Variants in ATP1B3 observed in about 807,000 individuals in gnomAD.
The protein encoded by ATP1B3 is sodium/potassium-transporting ATPase subunit beta-3.
ATP1B3 carries 10 observed loss-of-function variants against 30.2 expected under a neutral mutation model. The observed-to-expected ratio is 0.33, with a 90% confidence interval of 0.20 to 0.56. The LOEUF (loss-of-function observed/expected upper bound fraction) is 0.56. Ranked by LOEUF, ATP1B3 falls within the 20% of genes least tolerant of loss-of-function variation. ATP1B3 has a pLI of 0.90. For synonymous variants in ATP1B3, 113 were observed against 117.0 expected, an observed-to-expected ratio of 0.97 and a Z score of 0.22; for missense variants, 238 against 336.7, an observed-to-expected ratio of 0.71 and a Z score of 2.29.
intron 1 of ATP1B3, among the ~76,000 whole-genome samples, chr3:141,895,438 C>A (rs1317861771): frequency 6.6e-6 from 1 of 152,112 alleles, no homozygotes; most frequent in Middle Eastern, 3.2e-3. Context: ...GATGCACCTG[C>A]CTCAGCCTCT....
intron 1 of ATP1B3, among the ~76,000 whole-genome samples, chr3:141,878,821 G>A (rs1292878501): frequency 2.6e-5 from 4 of 152,176 alleles, no homozygotes; most frequent in African/African-American, 9.6e-5. Context: ...GCATATATAG[G>A]TGAAAATTAA....
intron 4 of ATP1B3, 86 bp from the exon 5 acceptor site, chr3:141,915,884 T>C: frequency 9.9e-7 from 1 of 1,012,904 alleles, no homozygotes; most frequent in Admixed American, 2.1e-5. Context: ...CTCAAAGTCT[T>C]CACCCCTTGT....
intron 1 of ATP1B3, among the ~76,000 whole-genome samples, chr3:141,889,787 A>G (rs1933906612): frequency 6.9e-6 from 1 of 145,564 alleles, no homozygotes; most frequent in Admixed American, 6.9e-5. Flanking sequence ...ACACACACAC[A>G]CACACACACG....
rs545520064 is a variant in ATP1B3 at position 141,907,149 on chromosome 3, C to T, written c.239-18C>T. ...AGAGAAGGAAATTTGATAATCTCTC[C>T]CTTTTATGTCTTTATAGGACTCATG... On this transcript the variant is annotated intron_variant, in intron 2 of 6. Coordinates refer to ENST00000286371, the MANE Select transcript of ATP1B3 (RefSeq NM_001679.4). The T allele has an allele frequency of 3.5e-5, 54 of 1,546,438 alleles. 1 individual carries two copies. The South Asian group carries it at 6.1e-4, about 17-fold the overall frequency.
At chr3:141,896,186 C>T (rs76369823) in intron 1 of ATP1B3, among the ~76,000 whole-genome samples, 14 of 150,914 alleles carry the variant, frequency 9.3e-5, no homozygotes, top group Non-Finnish European at 1.9e-4. Context: ...ATCCCCTTCT[C>T]GGCTGGGGAT....
chr3:141,920,242 G>T (rs1010422168), intron 5 of ATP1B3, among the ~76,000 whole-genome samples: 73 of 152,226 alleles, frequency 4.8e-4, no homozygotes, highest in African/African-American at 1.7e-3. Context: ...AGGCCTAAAG[G>T]AGGGAAGTGT....
intron 1 of ATP1B3, among the ~76,000 whole-genome samples, chr3:141,884,563 A>G (rs1178277288): frequency 6.6e-6 from 1 of 152,192 alleles, no homozygotes; most frequent in Non-Finnish European, 1.5e-5. Flanking sequence ...CATTTAAGTC[A>G]GTGGGCTGGG....
At chr3:141,902,941 C>G (rs1934190988) in intron 1 of ATP1B3, 1 of 152,138 alleles carries the variant, frequency 6.6e-6, no homozygotes, top group South Asian at 2.1e-4. Flanking sequence ...TGGAACGACT[C>G]ACAAATTTGC....
chr3:141,895,475 C>T (rs1403244290), intron 1 of ATP1B3, among the ~76,000 whole-genome samples: 1 of 152,196 alleles, frequency 6.6e-6, no homozygotes, highest in African/African-American at 2.4e-5. Context: ...CAAGCGTGAG[C>T]CACTGCGTCC....
intron 1 of ATP1B3, among the ~76,000 whole-genome samples, chr3:141,885,551 T>C (rs1479689717): frequency 6.6e-6 from 1 of 152,104 alleles, no homozygotes; most frequent in Non-Finnish European, 1.5e-5. Context: ...CAGGTTTAAG[T>C]GATTCTCCTG....
In ATP1B3 at chr3:141,925,713, T is replaced by C. The variant is rs1256210799; in HGVS notation, c.*12T>C. The C allele has an allele frequency of 3.1e-6, 5 of 1,606,074 alleles. No individual in the cohort carries two copies. The African/African-American group carries it at 6.7e-5, about 21-fold the overall frequency. On this transcript the variant is annotated 3_prime_UTR_variant, in exon 7 of 7. Transcript: ENST00000286371. ...CAGCACGTGCATAGTATGAGTAGGA[T>C]ATCTCCACAGAGTAAATGTTGTGTT...
Position 141,899,489 on chromosome 3 carries a change from A to T in ATP1B3, c.110-4131A>T, listed in dbSNP as rs1258957161. Among the ~76,000 whole-genome samples, 3 of 152,188 alleles carry T rather than the reference A, an allele frequency of 2.0e-5. No individual in the cohort carries two copies. In the East Asian group the frequency reaches 5.8e-4, roughly 29 times the overall value. The stretch of plus-strand genomic sequence containing the variant: ...GAGAGTAAGATCACAGGGTCTAGTC[A>T]TGTGTTGAGGGGGCATATTTCCAGG... On this transcript the variant is annotated intron_variant, in intron 1 of 6. Transcript: ENST00000286371.
intron 6 of ATP1B3, 50 bp from the exon 7 acceptor site, chr3:141,925,481 T>C (rs1431158719): frequency 6.5e-7 from 1 of 1,535,636 alleles, no homozygotes. Flanking sequence ...TAGAGAGAAG[T>C]ATTAAGTTTC....
At chr3:141,879,811 C>CTTTTTTTTTTT (rs150389395) in intron 1 of ATP1B3, among the ~76,000 whole-genome samples, 3 of 57,944 alleles carry the variant, frequency 5.2e-5, no homozygotes, top group Admixed American at 2.3e-4. Context: ...TTGGTAACAG[C>CTTTTTTTTTTT]TTTTTTTTTT....
intron 1 of ATP1B3, among the ~76,000 whole-genome samples, chr3:141,891,345 G>A (rs1933949365): frequency 6.6e-6 from 1 of 152,150 alleles, no homozygotes; most frequent in African/African-American, 2.4e-5. Flanking sequence ...GTAACTTACA[G>A]AGCATACACA....
intron 1 of ATP1B3, among the ~76,000 whole-genome samples, chr3:141,892,037 T>C (rs1014418676): frequency 1.1e-4 from 16 of 152,172 alleles, no homozygotes; most frequent in African/African-American, 3.6e-4. Context: ...GTAACTGTTG[T>C]GTTTTAAAAA....
chr3:141,885,828 G>T (rs1350153741), intron 1 of ATP1B3, among the ~76,000 whole-genome samples: 1 of 151,206 alleles, frequency 6.6e-6, no homozygotes, highest in Non-Finnish European at 1.5e-5. Flanking sequence ...TTTCACAGTT[G>T]TTCCAGCTTC....
At position 141,907,347 on chromosome 3, in the gene ATP1B3, C is replaced by CAGTA. The variant is rs1553744935; in HGVS notation, c.346+73_346+74insAGTA. ...TTAGTACCAAATTGTGGGCCGGGCA[C>CAGTA]GGTAGCTCACGCCTGTAATCCCAGC... On this transcript the variant is annotated intron_variant, in intron 3 of 6. Coordinates refer to ENST00000286371, the MANE Select transcript of ATP1B3 (RefSeq NM_001679.4). The CAGTA allele has an allele frequency of 4.2e-6, 5 of 1,192,318 alleles. No individual in the cohort carries two copies. The African/African-American group carries it at 6.1e-5, about 15-fold the overall frequency. The allele number at this position is 1,192,318 out of a possible 1,614,324, so 73.9% of individuals were successfully genotyped here.
intron 1 of ATP1B3, among the ~76,000 whole-genome samples, chr3:141,885,293 A>G (rs1199845295): frequency 6.6e-6 from 1 of 152,076 alleles, no homozygotes; most frequent in Admixed American, 6.6e-5. Flanking sequence ...CTTTATCCCC[A>G]TCAAGACACA....
Sources: allele counts gnomAD v4.1 joint callset (sites outside exome capture counted in the v4.1 genomes callset), GRCh38; gene constraint gnomAD v4.1.1; transcripts MANE v1.5; gene names NCBI Gene and HGNC (gene_info 2026-07-23, HGNC 2026-07-21).